The following RTTN variants were observed in gnomAD, a reference collection of about 807,000 sequenced individuals.
RTTN encodes rotatin.
RTTN carries 182 observed loss-of-function variants against 269.2 expected under a neutral mutation model. That is an observed-to-expected ratio of 0.68 (90% CI 0.60 to 0.76). RTTN has a LOEUF of 0.76. Ranked by LOEUF, RTTN falls within the 30% of genes least tolerant of loss-of-function variation. The probability of loss-of-function intolerance (pLI) is 0.00; values close to 1 mark genes in which losing one functional copy is unlikely to be tolerated. For synonymous variants in RTTN, 1,006 were observed against 963.5 expected (o/e 1.04, Z -0.82); for missense variants, 2,545 against 2,608.6 (o/e 0.98, Z 0.53).
intron 34 of RTTN, among the ~76,000 whole-genome samples, chr18:70,070,261 C>T (rs1323396934): frequency 6.6e-6 from 1 of 152,210 alleles, no homozygotes; most frequent in African/African-American, 2.4e-5. Flanking sequence ...CTTGTATTTT[C>T]CTCCTAACTA....
At chr18:70,039,646 C>T (rs4891391) in intron 40 of RTTN, among the ~76,000 whole-genome samples, 122,742 of 152,108 alleles carry the variant, frequency 0.81, 53,955 homozygotes, top group East Asian at 1. Context: ...ATAGTAAGCA[C>T]GCAGAAAAAC....
intron 9 of RTTN, 35 bp downstream of exon 9, chr18:70,190,503 A>C (rs2061644971): frequency 1.3e-6 from 2 of 1,520,416 alleles, no homozygotes; most frequent in Non-Finnish European, 1.8e-6. Context: ...ACAGACACAA[A>C]TTATATCAGA....
chr18:70,003,941 GAA>G lies in RTTN; in HGVS notation c.*208_*209del, dbSNP rs2056101582. The G allele has an allele frequency of 1.5e-5, 6 of 387,886 alleles. No individual in the cohort carries two copies. Among genetic ancestry groups the G allele is most frequent in the Admixed American group, 8.7e-5 (2 of 23,004 alleles). The allele number at this position is 387,886 out of a possible 1,614,324, so 24.0% of individuals were successfully genotyped here. A position where few individuals can be genotyped will look rare whatever the true frequency, so the allele number is the denominator to read the frequency against. On this transcript the variant is annotated 3_prime_UTR_variant, in exon 49 of 49. Transcript: ENST00000640769. ...TTTTCAACAGAAAGGAAAAGGCACAGAAAGTTGTCAGCTGCTATTACTTCTGG... is the reference window on the plus strand; with the variant it reads ...TTTTCAACAGAAAGGAAAAGGCACAGAGTTGTCAGCTGCTATTACTTCTGG...
intron 46 of RTTN, among the ~76,000 whole-genome samples, chr18:70,014,705 G>C (rs2056488369): frequency 6.6e-6 from 1 of 151,928 alleles, no homozygotes; most frequent in Non-Finnish European, 1.5e-5. Flanking sequence ...CCTTCATGAA[G>C]TTTGGGAAAC....
intron 13 of RTTN, chr18:70,166,705 G>C: frequency 1.2e-5 from 5 of 406,378 alleles, no homozygotes; most frequent in Non-Finnish European, 2.2e-5. Flanking sequence ...TTGATTGTAG[G>C]CATGACATTT....
intron 3 of RTTN, 127 bp from the exon 4 acceptor site, chr18:70,202,110 GTTT>G (rs1291614336): frequency 1.8e-6 from 1 of 564,676 alleles, no homozygotes; most frequent in African/African-American, 2.0e-5. Flanking sequence ...AAAAAGTCCA[GTTT>G]TTTTTCTGAA....
rs571995038 is a variant in RTTN, at chr18:70,185,045, A to G, written c.1305+3063T>C. 7.9e-5 allele frequency among the ~76,000 whole-genome samples: 12 copies of G among 152,272 alleles called. No homozygotes were observed. The South Asian group carries it at 2.5e-3, about 32-fold the overall frequency. Reference sequence around the variant, plus strand: ...TTGGCATCATAAGAGAAAACCGATCAAATAGATTCCAGAAGTAAACCCACA... The same window carrying G: ...TTGGCATCATAAGAGAAAACCGATCGAATAGATTCCAGAAGTAAACCCACA... On this transcript the variant is annotated intron_variant, in intron 10 of 48. Coordinates refer to ENST00000640769, the MANE Select transcript of RTTN (RefSeq NM_173630.4).
intron 24 of RTTN, 23 bp downstream of exon 24, chr18:70,128,335 T>C (rs750775116): frequency 1.3e-6 from 2 of 1,571,486 alleles, no homozygotes; most frequent in South Asian, 1.2e-5. Flanking sequence ...GCAAATGCTT[T>C]TTAAACTAAT....
intron 37 of RTTN, 62 bp downstream of exon 37, chr18:70,057,680 G>T: frequency 8.0e-7 from 1 of 1,253,314 alleles, no homozygotes; most frequent in Non-Finnish European, 1.2e-6. Context: ...TATCTCCTCA[G>T]CAAGATTTTT....
intron 14 of RTTN, among the ~76,000 whole-genome samples, chr18:70,161,587 T>G (rs990279841): frequency 6.6e-6 from 1 of 152,162 alleles, no homozygotes; most frequent in Non-Finnish European, 1.5e-5. Flanking sequence ...GAGAAAATAT[T>G]TGCAAACTAT....
chr18:70,199,021 T>C (rs1034342644), intron 5 of RTTN, among the ~76,000 whole-genome samples: 8 of 152,228 alleles, frequency 5.3e-5, no homozygotes, highest in Admixed American at 1.3e-4. Flanking sequence ...ACCCCATCTC[T>C]ACTAAAAATA....
chr18:70,111,898 G>A (rs2059477282), intron 27 of RTTN, among the ~76,000 whole-genome samples: 1 of 152,160 alleles, frequency 6.6e-6, no homozygotes, highest in Non-Finnish European at 1.5e-5. Flanking sequence ...GTTAAGGGCA[G>A]CCAGAGAGAA....
rs961711641 is a variant in RTTN, at chr18:70,145,644, T to C, written c.2449A>G (p.Arg817Gly). 9 of 1,610,934 alleles carry C rather than the reference T, an allele frequency of 5.6e-6. No homozygotes were observed. In the African/African-American group the frequency reaches 6.7e-5, roughly 12 times the overall value. ...LFIGKKPIEL[R>G]LDDRRELVIK... Reference sequence around the variant, plus strand: ...ACCAGCTCTCTTCTGTCATCCAGTCTGAGTTCAATAGGTTTCTTCCCAATG... The same window carrying C: ...ACCAGCTCTCTTCTGTCATCCAGTCCGAGTTCAATAGGTTTCTTCCCAATG... The change falls in exon 18 of 49, where the codon AGA becomes GGA. Residue 817 changes from arginine to glycine, a missense_variant. Transcript: ENST00000640769.
intron 28 of RTTN, among the ~76,000 whole-genome samples, chr18:70,093,702 GC>G (rs1393094538): frequency 1.3e-5 from 2 of 152,138 alleles, no homozygotes; most frequent in African/African-American, 4.8e-5. Flanking sequence ...GATTCGGTTT[GC>G]CAGTCTTTTA....
chr18:70,048,307 A>C (rs1351558047), intron 39 of RTTN, 119 bp from the exon 40 acceptor site: 7 of 954,712 alleles, frequency 7.3e-6, no homozygotes, highest in Non-Finnish European at 9.3e-6. Context: ...AACTTGTGTG[A>C]TTGTGTTGCA....
At chr18:70,148,667 C>T (rs1298923610) in intron 17 of RTTN, among the ~76,000 whole-genome samples, 1 of 152,130 alleles carries the variant, frequency 6.6e-6, no homozygotes, top group Non-Finnish European at 1.5e-5. Context: ...TAGTAGCAGT[C>T]CTGTAACACA....
At chr18:70,017,357 C>T (rs759107312) in intron 46 of RTTN, 50 bp downstream of exon 46, 2 of 1,515,430 alleles carry the variant, frequency 1.3e-6, no homozygotes, top group South Asian at 1.2e-5. Flanking sequence ...TTGACCTGAA[C>T]AGTCTATGAA....
At chr18:70,070,917 G>A (rs994560515) in intron 34 of RTTN, among the ~76,000 whole-genome samples, 1 of 152,162 alleles carries the variant, frequency 6.6e-6, no homozygotes, top group Non-Finnish European at 1.5e-5. Flanking sequence ...ATGTTTGTAT[G>A]CATATAAAAG....
At chr18:70,077,938 G>T (rs1460942641) in intron 32 of RTTN, among the ~76,000 whole-genome samples, 1 of 151,526 alleles carries the variant, frequency 6.6e-6, no homozygotes, top group African/African-American at 2.4e-5. Context: ...AATTCAAGAG[G>T]CCTAATAAGG....
Sources: allele counts gnomAD v4.1 joint callset (sites outside exome capture counted in the v4.1 genomes callset), GRCh38; gene constraint gnomAD v4.1.1; transcripts MANE v1.5; gene names NCBI Gene and HGNC (gene_info 2026-07-23, HGNC 2026-07-21).